The following SNX13 variants were observed in gnomAD, a reference collection of about 807,000 sequenced individuals.
The protein encoded by SNX13 is sorting nexin-13.
In SNX13, 45 loss-of-function variants were observed where a neutral mutation model predicts 133.6. The observed-to-expected ratio is 0.34, with a 90% CI of 0.27 to 0.43. The LOEUF is 0.43. Ranked by LOEUF, SNX13 falls within the 20% of genes least tolerant of loss-of-function variation. The pLI, the probability that SNX13 is intolerant of heterozygous loss-of-function variation, is 1.00. For synonymous variants in SNX13, 414 were observed against 373.9 expected (o/e 1.11, Z -1.24); for missense variants, 1,032 against 1,145.1 (o/e 0.90, Z 1.43).
At chr7:17,805,656 T>TCCG (rs1428044830) in intron 20 of SNX13, among the ~76,000 whole-genome samples, 14 of 152,188 alleles carry the variant, frequency 9.2e-5, no homozygotes, top group Admixed American at 8.5e-4. Flanking sequence ...GAAACTTGAG[T>TCCG]TTACCTATTA....
intron 13 of SNX13, among the ~76,000 whole-genome samples, chr7:17,836,396 A>G (rs1407264556): frequency 1.3e-5 from 2 of 152,002 alleles, no homozygotes; most frequent in Admixed American, 1.3e-4. Context: ...GCATGCCTAC[A>G]ATCCCACCTA....
At position 17,891,583 on chromosome 7, in the gene SNX13, A is replaced by C; in HGVS notation, c.281T>G (p.Leu94Trp). ...TTCATCAATTATATTGGCACCCGTC[A>C]ATCTTCTATCAATCTTAATAGTCCT... ...EARTIKIDRR[L>W]TGANIIDEPL... is the part of the protein sequence containing the mutation. The change falls in exon 4 of 26, where the codon TTG becomes TGG. Residue 94 changes from leucine to tryptophan, a missense_variant. By Grantham distance (61) the Leu-to-Trp change is moderately conservative. Transcript: ENST00000428135. 1 of 1,612,652 alleles carries C rather than the reference A, an allele frequency of 6.2e-7. No homozygotes were observed. Among genetic ancestry groups the C allele is most frequent in the Non-Finnish European group, 8.5e-7 (1 of 1,179,080 alleles).
intron 12 of SNX13, among the ~76,000 whole-genome samples, chr7:17,840,985 T>TCC (rs1281277931): frequency 2.6e-5 from 4 of 151,974 alleles, no homozygotes; most frequent in Non-Finnish European, 4.4e-5. Flanking sequence ...CAGCTACCAT[T>TCC]CCCCACTCTC....
At chr7:17,831,812 A>G in intron 15 of SNX13, 1 of 982,848 alleles carries the variant, frequency 1.0e-6, no homozygotes, top group Non-Finnish European at 1.2e-6. Context: ...CCTATTTTTG[A>G]TTAAATAATC....
intron 15 of SNX13, 65 bp downstream of exon 15, chr7:17,833,987 C>A: frequency 8.1e-7 from 1 of 1,230,370 alleles, no homozygotes; most frequent in Non-Finnish European, 1.1e-6. Context: ...TACAAAAGCT[C>A]TTTTGGTAAG....
intron 17 of SNX13, among the ~76,000 whole-genome samples, chr7:17,824,352 A>G (rs1787634739): frequency 1.3e-5 from 2 of 152,172 alleles, no homozygotes; most frequent in South Asian, 4.1e-4. Flanking sequence ...GCACTGGACT[A>G]GTCTATAAGC....
At chr7:17,797,748 G>C (rs987726731) in intron 24 of SNX13, among the ~76,000 whole-genome samples, 3 of 151,744 alleles carry the variant, frequency 2.0e-5, no homozygotes, top group Non-Finnish European at 4.4e-5. Flanking sequence ...CACCACTCCA[G>C]AGGAACATCA....
At chr7:17,851,220 A>G (rs1791167889) in intron 9 of SNX13, among the ~76,000 whole-genome samples, 1 of 152,248 alleles carries the variant, frequency 6.6e-6, no homozygotes, top group Non-Finnish European at 1.5e-5. Context: ...CAAAGAAGCC[A>G]TGATGACTGG....
chr7:17,807,193 T>A (rs1785406873), intron 20 of SNX13, among the ~76,000 whole-genome samples: 1 of 151,942 alleles, frequency 6.6e-6, no homozygotes, highest in South Asian at 2.1e-4. Flanking sequence ...CCCAGCAAGC[T>A]ATAAGATCCA....
chr7:17,919,792 A>G (rs1799928784), intron 1 of SNX13, among the ~76,000 whole-genome samples: 3 of 152,190 alleles, frequency 2.0e-5, no homozygotes, highest in Admixed American at 6.5e-5. Context: ...TAAAACATGA[A>G]TACAAAAGAT....
intron 8 of SNX13, among the ~76,000 whole-genome samples, chr7:17,872,421 C>T (rs144403602): frequency 1.1e-3 from 167 of 152,264 alleles, no homozygotes; most frequent in African/African-American, 3.6e-3. Context: ...CAAATGGATA[C>T]TCTGCATGAA....
intron 20 of SNX13, among the ~76,000 whole-genome samples, chr7:17,808,472 A>C (rs573195358): frequency 6.6e-6 from 1 of 152,306 alleles, no homozygotes; most frequent in African/African-American, 2.4e-5. Context: ...ACCAAACCTA[A>C]GTTTGATTGC....
chr7:17,818,342 C>A (rs1004239317), intron 18 of SNX13, among the ~76,000 whole-genome samples: 2 of 152,058 alleles, frequency 1.3e-5, no homozygotes, highest in African/African-American at 4.8e-5. Flanking sequence ...AAATATTAAA[C>A]CTTACTAATA....
chr7:17,882,294 G>C (rs1306960267), intron 5 of SNX13: 2 of 151,920 alleles, frequency 1.3e-5, no homozygotes, highest in Non-Finnish European at 2.9e-5. Context: ...GAACGTGGTG[G>C]GAGAACTTAC....
chr7:17,898,600 T>C (rs570357869), intron 1 of SNX13, among the ~76,000 whole-genome samples: 2 of 152,304 alleles, frequency 1.3e-5, no homozygotes, highest in South Asian at 4.1e-4. Context: ...CATACCTTCA[T>C]AAGTTTACAT....
intron 1 of SNX13, among the ~76,000 whole-genome samples, chr7:17,911,484 C>A (rs761766110): frequency 1.1e-4 from 17 of 151,884 alleles, no homozygotes; most frequent in Admixed American, 3.3e-4. Context: ...ACCAAAAATA[C>A]AAAAATTAGC....
In SNX13 at chr7:17,793,938, C is replaced by T; in HGVS notation, c.*107G>A. On this transcript the variant is annotated 3_prime_UTR_variant, in exon 26 of 26. Transcript: ENST00000428135. ...GATGTATTAATAATCTATTTTGAGA[C>T]ACTAAAAGACTGGTGCAGACACAAC... is the stretch of plus-strand genomic sequence containing the variant. 8.2e-7 allele frequency: 1 copy of T among 1,215,730 alleles called. No homozygotes were observed. Among genetic ancestry groups the T allele is most frequent in the African/African-American group, 1.5e-5 (1 of 65,624 alleles). 75.3% of individuals were successfully genotyped at this position (1,215,730 alleles called of 1,614,324 possible). A position where few individuals can be genotyped will look rare whatever the true frequency, so the allele number is the denominator to read the frequency against.
At chr7:17,881,004 C>T (rs1795273094) in intron 5 of SNX13, 1 of 151,944 alleles carries the variant, frequency 6.6e-6, no homozygotes, top group South Asian at 2.1e-4. Flanking sequence ...GCAGTAAAGG[C>T]GATCTTCACA....
Position 17,792,021 on chromosome 7 carries a change from T to C in SNX13, c.*2024A>G, listed in dbSNP as rs1037487418. 2 of 152,150 alleles carry C rather than the reference T, an allele frequency of 1.3e-5. No homozygotes were observed. Among genetic ancestry groups the C allele is most frequent in the South Asian group, 4.1e-4 (2 of 4,832 alleles). 9.4% of individuals were successfully genotyped at this position (152,150 alleles called of 1,614,324 possible). A position where few individuals can be genotyped will look rare whatever the true frequency, so the allele number is the denominator to read the frequency against. ...TATTTTGAAAATTTGCAATATTACA[T>C]GACCTTTATTTCCCTAATTGATGGC... On this transcript the variant is annotated 3_prime_UTR_variant, in exon 26 of 26. Transcript: ENST00000428135.
Sources: gnomAD v4.1 joint callset for allele counts (sites outside exome capture counted in the v4.1 genomes callset) on GRCh38, gnomAD v4.1.1 for gene constraint, MANE v1.5 for transcripts, NCBI Gene and HGNC (gene_info 2026-07-23, HGNC 2026-07-21) for gene names.